AKR1C2: variants seen among roughly 807,000 people sequenced by gnomAD.
AKR1C2 encodes the protein 3-alpha-HSD3.
AKR1C2 carries 27 observed loss-of-function variants against 39.8 expected under a neutral mutation model. The ratio of observed to expected loss-of-function variants is 0.68; its 90% CI spans 0.50 to 0.93. The LOEUF (loss-of-function observed/expected upper bound fraction) is 0.93. AKR1C2 is among the 40% of genes least tolerant of loss of function. The pLI is 0.00. For missense variants in AKR1C2, 263 were observed against 365.1 expected (o/e 0.72, Z 2.28); for synonymous variants, 114 against 137.9 (o/e 0.83, Z 1.22).
chr10:5,014,151 T>A (rs1837582208), intron 1 of AKR1C2, among the ~76,000 whole-genome samples: 1 of 151,940 alleles, frequency 6.6e-6, no homozygotes, highest in African/African-American at 2.4e-5. Flanking sequence ...AATAGAATTA[T>A]TATGAATAAG....
At chr10:4,991,140 G>A (rs1836826375) in intron 8 of AKR1C2, among the ~76,000 whole-genome samples, 1 of 150,634 alleles carries the variant, frequency 6.6e-6, no homozygotes, top group African/African-American at 2.5e-5. Flanking sequence ...CTCCAATAAT[G>A]GTGCTTTTGC....
Position 5,013,182 on chromosome 10 carries a change from C to T in AKR1C2, c.-88+4718G>A, listed in dbSNP as rs1223745132. 6 of 151,916 alleles carry T rather than the reference C, an allele frequency of 3.9e-5. No homozygotes were observed. The East Asian group carries it at 7.7e-4, about 19-fold the overall frequency. The allele number at this position is 151,916 out of a possible 1,614,324, so 9.4% of individuals were successfully genotyped here. On this transcript the variant is annotated intron_variant, in intron 1 of 6. Transcript: ENST00000604507. ...TATAACAAACCTGCATGTGCACCCC[C>T]GAACTTAAAATAAAAGTTAAAAATA...
At chr10:4,997,237 C>T (rs1210120751) in intron 5 of AKR1C2, 2 of 152,228 alleles carry the variant, frequency 1.3e-5, no homozygotes, top group South Asian at 2.1e-4. Flanking sequence ...TTTTAATTTA[C>T]AGGAACCTTC....
upstream of AKR1C2, chr10:5,005,851 T>C (rs112449370): frequency 1.3e-5 from 2 of 152,006 alleles, no homozygotes; most frequent in African/African-American, 2.4e-5. Context: ...AAAATATGGA[T>C]TAAGAACTAC....
intron 1 of AKR1C2, among the ~76,000 whole-genome samples, chr10:5,009,050 G>C (rs144370038): frequency 1.6e-4 from 25 of 152,054 alleles, no homozygotes; most frequent in Admixed American, 5.9e-4. Flanking sequence ...GCCAAAAGCC[G>C]TGCAGGAGGA....
chr10:4,994,562 G>T (rs531431035), intron 7 of AKR1C2, among the ~76,000 whole-genome samples: 18 of 152,102 alleles, frequency 1.2e-4, no homozygotes, highest in South Asian at 8.3e-4. Context: ...ACTATGCTGG[G>T]GTCATGCCCT....
chr10:5,016,333 A>C (rs576430698), intron 1 of AKR1C2, among the ~76,000 whole-genome samples: 2 of 152,356 alleles, frequency 1.3e-5, no homozygotes, highest in South Asian at 4.1e-4. Context: ...GTTACTTTCT[A>C]GATACAATGG....
chr10:4,997,546 ATATAC>A (rs1312290734), intron 5 of AKR1C2, among the ~76,000 whole-genome samples: 6 of 152,028 alleles, frequency 3.9e-5, no homozygotes, highest in African/African-American at 1.5e-4. Context: ...ATTTATGCAG[ATATAC>A]TCCATATAAC....
chr10:4,989,582 C>T lies in AKR1C2; in HGVS notation c.*414G>A, dbSNP rs1353440371. 15 of 200,776 alleles carry T rather than the reference C, an allele frequency of 7.5e-5. No homozygotes were observed. Among genetic ancestry groups the T allele is most frequent in the South Asian group, 2.4e-4 (3 of 12,300 alleles). 12.4% of individuals were successfully genotyped at this position (200,776 alleles called of 1,614,324 possible). Reference sequence around the variant, plus strand: ...CTTCTTCCTACAAGAGCTAGAGAGGCACTGACTGATAAATACCTGTCACCT... The same window carrying T: ...CTTCTTCCTACAAGAGCTAGAGAGGTACTGACTGATAAATACCTGTCACCT... On this transcript the variant is annotated 3_prime_UTR_variant, in exon 9 of 9. Coordinates refer to ENST00000380753, the MANE Select transcript of AKR1C2 (RefSeq NM_001393392.1).
intron 1 of AKR1C2, among the ~76,000 whole-genome samples, chr10:5,002,785 C>T (rs1837311406): frequency 6.6e-6 from 1 of 152,194 alleles, no homozygotes; most frequent in East Asian, 1.9e-4. Flanking sequence ...CTCATACCAT[C>T]TTTGATCTTC....
intron 8 of AKR1C2, among the ~76,000 whole-genome samples, chr10:4,991,090 A>G (rs1836824537): frequency 6.6e-6 from 1 of 151,194 alleles, no homozygotes; most frequent in Non-Finnish European, 1.5e-5. Context: ...ACCTTAGAAT[A>G]TAGAGGAATA....
chr10:5,014,420 A>G (rs1432566641), intron 1 of AKR1C2, among the ~76,000 whole-genome samples: 1 of 152,100 alleles, frequency 6.6e-6, no homozygotes, highest in African/African-American at 2.4e-5. Context: ...TATTTTTGCA[A>G]GAAAGTTAAT....
chr10:5,000,761 A>G (rs1367570028), intron 2 of AKR1C2, 95 bp from the exon 3 acceptor site: 2 of 1,151,236 alleles, frequency 1.7e-6, no homozygotes, highest in African/African-American at 3.1e-5. Context: ...CTACTACTTC[A>G]AAACTAATGA....
intron 4 of AKR1C2, among the ~76,000 whole-genome samples, 160 bp from the exon 5 acceptor site, chr10:4,998,907 G>A (rs1837159529): frequency 6.6e-6 from 1 of 152,158 alleles, no homozygotes; most frequent in Non-Finnish European, 1.5e-5. Context: ...AATTGGGGAA[G>A]AAGATAGTGA....
At position 4,990,612 on chromosome 10, in the gene AKR1C2, T is replaced by C. The variant is rs1836807092; in HGVS notation, c.930-574A>G. ...CAAAGAGCTACAATGCATAAACCAT[T>C]TTATAGGTAGACATAATCCAAAATG... On this transcript the variant is annotated intron_variant, in intron 8 of 8. Transcript: ENST00000380753. 2.0e-5 allele frequency among the ~76,000 whole-genome samples: 3 copies of C among 152,288 alleles called. No homozygotes were observed. In the South Asian group the frequency reaches 6.2e-4, roughly 32 times the overall value.
At position 5,000,754 on chromosome 10, in the gene AKR1C2, C is replaced by T. The variant is rs868985133; in HGVS notation, c.253-88G>A. ...CCACCTAATATTTAGACATTTTCTA[C>T]TACTTCAAAACTAATGACCACAGGC... On this transcript the variant is annotated intron_variant, in intron 2 of 8. Transcript: ENST00000380753. 1.7e-5 allele frequency: 21 copies of T among 1,260,246 alleles called. No homozygotes were observed. In the Middle Eastern group the frequency reaches 2.9e-3, roughly 176 times the overall value. 78.1% of individuals were successfully genotyped at this position (1,260,246 alleles called of 1,614,324 possible). A position where few individuals can be genotyped will look rare whatever the true frequency, so the allele number is the denominator to read the frequency against.
chr10:4,997,930 T>A (rs1427223312), intron 5 of AKR1C2, among the ~76,000 whole-genome samples: 1 of 152,182 alleles, frequency 6.6e-6, no homozygotes, highest in Non-Finnish European at 1.5e-5. Context: ...AATAGATGTG[T>A]TTAAGCAGCT....
chr10:5,003,138 A>G (rs1554774020), intron 1 of AKR1C2, among the ~76,000 whole-genome samples: 1 of 151,732 alleles, frequency 6.6e-6, no homozygotes, highest in Non-Finnish European at 1.5e-5. Context: ...CTGTTACAAT[A>G]TTTTGATACA....
chr10:5,007,211 G>A (rs1464743153), upstream of AKR1C2, among the ~76,000 whole-genome samples: 2 of 144,342 alleles, frequency 1.4e-5, no homozygotes, highest in African/African-American at 2.5e-5. Context: ...AGACAGCAAC[G>A]TGAAGTCATA....
Sources: gnomAD v4.1 joint callset for allele counts (sites outside exome capture counted in the v4.1 genomes callset) on GRCh38, gnomAD v4.1.1 for gene constraint, MANE v1.5 for transcripts, NCBI Gene and HGNC (gene_info 2026-07-23, HGNC 2026-07-21) for gene names.